DAZAP2: variants seen among roughly 807,000 people sequenced by gnomAD.
The protein encoded by DAZAP2 is DAZ associated protein 2, also known as DAZ-associated protein 2.
A neutral mutation model predicts 16.2 loss-of-function variants in DAZAP2; 3 were observed. The ratio of observed to expected loss-of-function variants is 0.19; its 90% CI spans 0.08 to 0.48. The LOEUF is 0.48. Among genes scored for constraint, DAZAP2 ranks in the 20% least tolerant of loss-of-function variants. The pLI is 0.98. For missense variants in DAZAP2, 172 were observed against 215.9 expected, an observed-to-expected ratio of 0.80 and a Z score of 1.27; for synonymous variants, 69 against 77.6, an observed-to-expected ratio of 0.89 and a Z score of 0.58.
downstream of DAZAP2, chr12:51,246,277 C>CAATT: frequency 9.6e-7 from 1 of 1,041,788 alleles, no homozygotes; most frequent in Non-Finnish European, 1.4e-6. Context: ...CCACCAACCC[C>CAATT]AATTTCCATG....
Position 51,241,128 on chromosome 12 carries a change from C to T in DAZAP2, c.378+12C>T, listed in dbSNP as rs760036087. On this transcript the variant is annotated intron_variant, in intron 3 of 3. Transcript: ENST00000412716. ...CTGGCAACATTCCTGTGAGTATGAC[C>T]TCATCAGAAGAAACTCAGCCCTTGT... 3.3e-5 allele frequency: 54 copies of T among 1,613,002 alleles called. No individual in the cohort carries two copies. Among genetic ancestry groups the T allele is most frequent in the Non-Finnish European group, 4.4e-5 (52 of 1,179,354 alleles).
In DAZAP2 at chr12:51,242,527, T is replaced by A; in HGVS notation, c.*69T>A. On this transcript the variant is annotated 3_prime_UTR_variant, in exon 4 of 4. Transcript: ENST00000412716. ...TCAGCACTTCTCACAATGTAACTGC[T>A]TTAGTCATATTAACCTGAAGTTGCA... 1 of 1,613,308 alleles carries A rather than the reference T, an allele frequency of 6.2e-7. No individual in the cohort carries two copies. Among genetic ancestry groups the A allele is most frequent in the Admixed American group, 1.7e-5 (1 of 60,016 alleles).
downstream of DAZAP2, chr12:51,245,922 C>A: frequency 6.2e-7 from 1 of 1,606,574 alleles, no homozygotes; most frequent in South Asian, 1.1e-5. Context: ...GGAATAAGCT[C>A]CTTGGGGCCT....
At chr12:51,240,189 C>A in intron 1 of DAZAP2, 154 bp from the exon 2 acceptor site, 1 of 665,242 alleles carries the variant, frequency 1.5e-6, no homozygotes, top group Admixed American at 2.4e-5. Context: ...AAAGACAATG[C>A]ATATTTTCTT....
Position 51,242,448 on chromosome 12 carries a change from C to T in DAZAP2, c.497C>T (p.Thr166Ile). The T allele has an allele frequency of 6.2e-7, 1 of 1,614,120 alleles. No individual in the cohort carries two copies. The highest frequency in any genetic ancestry group is 1.1e-5 in the South Asian group (1 of 91,078). The change falls in exon 4 of 4, where the codon ACC becomes ATC. Residue 166 changes from threonine to isoleucine, a missense_variant. Coordinates refer to ENST00000412716, the MANE Select transcript of DAZAP2 (RefSeq NM_014764.4). ...ATGGGTGGTTCAGATGGTGGCTACA[C>T]CATCTGGTGAGGAACCAAGGCCACC... ...FFMGGSDGGY[T>I]IW
chr12:51,239,301 T>G (rs1944618364), intron 1 of DAZAP2: 2 of 229,180 alleles, frequency 8.7e-6, no homozygotes, highest in South Asian at 5.8e-5. Flanking sequence ...AACTACTGAA[T>G]TGCTGGAGTT....
downstream of DAZAP2, chr12:51,246,409 G>T: frequency 2.1e-6 from 1 of 470,134 alleles, no homozygotes; most frequent in East Asian, 3.4e-5. Flanking sequence ...GGAGGGAACA[G>T]GAAATGGCTT....
chr12:51,246,178 C>A, downstream of DAZAP2: 2 of 1,585,726 alleles, frequency 1.3e-6, no homozygotes, highest in South Asian at 1.1e-5. Flanking sequence ...CTCAGTAGTT[C>A]CTGGAGTCAT....
At chr12:51,239,095 G>T in intron 1 of DAZAP2, 175 bp downstream of exon 1, 1 of 888,618 alleles carries the variant, frequency 1.1e-6, no homozygotes, top group Non-Finnish European at 1.7e-6. Context: ...AATTACGGCA[G>T]CTTGCTGCCT....
downstream of DAZAP2, chr12:51,244,004 T>C (rs1184998471): frequency 1.1e-6 from 1 of 900,758 alleles, no homozygotes. Flanking sequence ...CTCTTACAAA[T>C]TTTGGAATTT....
rs1002012634 is a variant in DAZAP2 at position 51,243,340 on chromosome 12, T to C, written c.*882T>C. ...AGGAGGATGCATTTCAAAAGCTTGA[T>C]TGATGTGTTCAGAGCTAAATTAAGA... On this transcript the variant is annotated 3_prime_UTR_variant, in exon 4 of 4. Transcript: ENST00000412716. 1.0e-6 allele frequency: 1 copy of C among 985,792 alleles called. No individual in the cohort carries two copies. Among genetic ancestry groups the C allele is most frequent in the African/African-American group, 1.7e-5 (1 of 57,336 alleles). The allele number at this position is 985,792 out of a possible 1,614,324, so 61.1% of individuals were successfully genotyped here.
chr12:51,240,540 C>A, intron 2 of DAZAP2, 79 bp downstream of exon 2: 2 of 1,224,168 alleles, frequency 1.6e-6, no homozygotes, highest in Non-Finnish European at 2.4e-6. Context: ...AATCTGACTT[C>A]ACATATTTAC....
At chr12:51,239,995 C>T (rs1305701295) in intron 1 of DAZAP2, 6 of 279,414 alleles carry the variant, frequency 2.1e-5, no homozygotes, top group Non-Finnish European at 2.1e-5. Context: ...GTGGAGACTA[C>T]CTAGAGCAGA....
At chr12:51,240,486 A>G in intron 2 of DAZAP2, 25 bp downstream of exon 2, 1 of 1,570,814 alleles carries the variant, frequency 6.4e-7, no homozygotes, top group Non-Finnish European at 8.8e-7. Flanking sequence ...CCAGATTTGA[A>G]CTAGCTGGGA....
chr12:51,246,154 A>C, downstream of DAZAP2: 2 of 1,609,240 alleles, frequency 1.2e-6, no homozygotes, highest in Non-Finnish European at 1.7e-6. Context: ...GAGATGTTTC[A>C]GGATTGAGGA....
In DAZAP2 at chr12:51,242,744, T is replaced by A. The variant is rs1592228189; in HGVS notation, c.*286T>A. On this transcript the variant is annotated 3_prime_UTR_variant, in exon 4 of 4. Coordinates refer to ENST00000412716, the MANE Select transcript of DAZAP2 (RefSeq NM_014764.4). Reference sequence around the variant, plus strand: ...TCCTTTAATTTCTCTGGAGTAATACTGTACCATACTGGTCTTTGCTTTTAG... The same window carrying A: ...TCCTTTAATTTCTCTGGAGTAATACAGTACCATACTGGTCTTTGCTTTTAG... 4.9e-6 allele frequency: 7 copies of A among 1,441,544 alleles called. No individual in the cohort carries two copies. Among genetic ancestry groups the A allele is most frequent in the South Asian group, 1.5e-5 (1 of 66,216 alleles). The allele number at this position is 1,441,544 out of a possible 1,614,324, so 89.3% of individuals were successfully genotyped here. A position where few individuals can be genotyped will look rare whatever the true frequency, so the allele number is the denominator to read the frequency against.
downstream of DAZAP2, chr12:51,244,741 T>A (rs1344984417): frequency 6.6e-6 from 1 of 152,060 alleles, no homozygotes; most frequent in Non-Finnish European, 1.5e-5. Flanking sequence ...TGGTTCCTTC[T>A]GTATATATGT....
intron 1 of DAZAP2, 130 bp downstream of exon 1, chr12:51,239,050 C>T (rs1192891574): frequency 1.5e-6 from 2 of 1,349,308 alleles, no homozygotes; most frequent in African/African-American, 1.5e-5. Flanking sequence ...CGGCTGCAGT[C>T]CAGGGCGCTG....
downstream of DAZAP2, chr12:51,245,380 A>G (rs1944753323): frequency 6.5e-6 from 1 of 152,718 alleles, no homozygotes; most frequent in South Asian, 2.1e-4. Flanking sequence ...TTTTAATTTG[A>G]ATAAAAATCA....
Sources: allele counts gnomAD v4.1 joint callset, GRCh38; gene constraint gnomAD v4.1.1; transcripts MANE v1.5; gene names NCBI Gene and HGNC (gene_info 2026-07-23, HGNC 2026-07-21).